Variants in MGAT2 observed in about 807,000 individuals in gnomAD.
MGAT2 encodes Beta-1,2-N-acetylglucosaminyltransferase II.
Under a neutral mutation model 33.8 loss-of-function variants are expected in MGAT2, and 17 were observed. The ratio of observed to expected loss-of-function variants is 0.50; its 90% CI spans 0.34 to 0.76. MGAT2 has a LOEUF of 0.76. Ranked by LOEUF, MGAT2 falls within the 30% of genes least tolerant of loss-of-function variation. MGAT2 has a pLI of 0.01. For synonymous variants in MGAT2, 248 were observed against 226.7 expected (o/e 1.09, Z -0.84); for missense variants, 529 against 553.9 (o/e 0.96, Z 0.45).
In MGAT2 at chr14:49,622,430, C is replaced by T; in HGVS notation, c.1162C>T (p.Pro388Ser). 2 of 1,614,014 alleles carry T rather than the reference C, an allele frequency of 1.2e-6. No homozygotes were observed. Among genetic ancestry groups the T allele is most frequent in the Non-Finnish European group, 1.7e-6 (2 of 1,179,960 alleles). Residue 388 changes from proline (P) to serine (S), a missense_variant, in exon 1 of 1, where the codon CCA (proline) becomes TCA (serine). By Grantham distance (74) the Pro-to-Ser change is moderately conservative. This residue lies in a region of MGAT2 where 501 missense variants were observed against 501.1 expected (regional missense o/e 1.00). Coordinates refer to ENST00000305386, the MANE Select transcript of MGAT2 (RefSeq NM_002408.4). ...CGMHHKKTCR[P>S]STQSAQIESL... ...TATGCATCACAAGAAAACCTGTAGA[C>T]CATCCACTCAGAGTGCCCAAATTGA...
chr14:49,621,202 C>T lies in MGAT2; in HGVS notation c.-67C>T, dbSNP rs1471080027. 1.0e-5 allele frequency: 16 copies of T among 1,604,292 alleles called. No individual in the cohort carries two copies. The highest frequency in any genetic ancestry group is 1.4e-5 in the Non-Finnish European group (16 of 1,176,980). ...CAAGGCGACGGCCGCCGCCCGCCCGCCCCTTCCGTGCAGAAGCAGCTGCTC... is the reference window on the plus strand; with the variant it reads ...CAAGGCGACGGCCGCCGCCCGCCCGTCCCTTCCGTGCAGAAGCAGCTGCTC... On this transcript the variant is annotated 5_prime_UTR_variant, in exon 1 of 1. Coordinates refer to ENST00000305386, the MANE Select transcript of MGAT2 (RefSeq NM_002408.4). The surrounding 1 kb of genome is among the most constrained non-coding windows in gnomAD (Gnocchi z 4.6).
chr14:49,621,459 T>G lies in MGAT2; in HGVS notation c.191T>G (p.Ile64Ser), dbSNP rs1882846338. ...GACCACCCCTCTGTGGCTGTGGGCATCCGCAGGGTCTCCAACGTGTCGGCG... is the reference window on the plus strand; with the variant it reads ...GACCACCCCTCTGTGGCTGTGGGCAGCCGCAGGGTCTCCAACGTGTCGGCG... ...GGDHPSVAVGIRRVSNVSAAS... is the reference protein window; with the variant it reads ...GGDHPSVAVGSRRVSNVSAAS... The change falls in exon 1 of 1, where the codon ATC becomes AGC. Residue 64 changes from isoleucine (I) to serine (S), a missense_variant. Physicochemically the swap from Ile to Ser is moderately radical, Grantham distance 142. This residue lies in a region of MGAT2 where 501 missense variants were observed against 501.1 expected (regional missense o/e 1.00). Transcript: ENST00000305386. The surrounding 1 kb of genome is among the most constrained non-coding windows in gnomAD (Gnocchi z 4.6). The G allele has an allele frequency of 1.6e-5, 25 of 1,606,712 alleles. No individual in the cohort carries two copies. Among genetic ancestry groups the G allele is most frequent in the Non-Finnish European group, 2.1e-5 (25 of 1,175,332 alleles).
rs1882880259 is a variant in MGAT2 at position 49,622,369 on chromosome 14, T to A, written c.1101T>A (p.Pro367=). The A allele has an allele frequency of 6.2e-7, 1 of 1,614,050 alleles. No individual in the cohort carries two copies. Among genetic ancestry groups the A allele is most frequent in the Non-Finnish European group, 8.5e-7 (1 of 1,180,046 alleles). ...CLPKFWKVLV[P]QIPRIFHAGD... ...CAAAATTCTGGAAAGTGCTGGTTCC[T>A]CAAATTCCTAGGATCTTTCATGCTG... Residue 367 remains proline (P), a synonymous_variant, in exon 1 of 1, where the codon CCT becomes CCA. Transcript: ENST00000305386.
Position 49,622,302 on chromosome 14 carries a change from A to G in MGAT2, c.1034A>G (p.Asn345Ser). ...ACTTTCTGTACTTATGATGATTATAACTGGGACTGGACTCTTCAATACTTG... is the reference window on the plus strand; with the variant it reads ...ACTTTCTGTACTTATGATGATTATAGCTGGGACTGGACTCTTCAATACTTG... ...TDTFCTYDDYNWDWTLQYLTV... is the reference protein window; with the variant it reads ...TDTFCTYDDYSWDWTLQYLTV... Residue 345 changes from asparagine (N) to serine (S), a missense_variant, in exon 1 of 1, where the codon AAC (asparagine) becomes AGC (serine). Around this residue, in one of 2 missense-constraint regions of MGAT2, gnomAD observed 501 missense variants for 501.1 expected, o/e 1.00. Transcript: ENST00000305386. 1 of 1,614,178 alleles carries G rather than the reference A, an allele frequency of 6.2e-7. No homozygotes were observed. Among genetic ancestry groups the G allele is most frequent in the South Asian group, 1.1e-5 (1 of 91,080 alleles).
chr14:49,621,472 C>T lies in MGAT2; in HGVS notation c.204C>T (p.Ser68=). ...PSVAVGIRRV[S]NVSAASLVPA... is the part of the protein sequence containing the mutation. ...TGGCTGTGGGCATCCGCAGGGTCTC[C>T]AACGTGTCGGCGGCTTCCCTGGTCC... Residue 68 remains serine (S), a synonymous_variant, in exon 1 of 1, where the codon TCC becomes TCT. Transcript: ENST00000305386. The surrounding 1 kb of genome is among the most constrained non-coding windows in gnomAD (Gnocchi z 4.6). 6.2e-7 allele frequency: 1 copy of T among 1,608,764 alleles called. No homozygotes were observed. Among genetic ancestry groups the T allele is most frequent in the South Asian group, 1.1e-5 (1 of 90,970 alleles).
Position 49,622,172 on chromosome 14 carries a change from G to T in MGAT2, c.904G>T (p.Gly302Cys), listed in dbSNP as rs1210192308. 1 of 1,614,022 alleles carries T rather than the reference G, an allele frequency of 6.2e-7. No individual in the cohort carries two copies. Among genetic ancestry groups the T allele is most frequent in the Non-Finnish European group, 8.5e-7 (1 of 1,180,022 alleles). Residue 302 changes from glycine (G) to cysteine (C), a missense_variant, in exon 1 of 1, where the codon GGC (glycine) becomes TGC (cysteine). By Grantham distance (159) the Gly-to-Cys change is radical (BLOSUM62 -3). Coordinates refer to ENST00000305386, the MANE Select transcript of MGAT2 (RefSeq NM_002408.4). ...CTATAGTGCCAGTCGCAGTTTCTAT[G>T]GCATGGCTGACAAGGTAGATGTGAA... is the stretch of plus-strand genomic sequence containing the variant. Reference protein sequence around the residue: ...GTYSASRSFYGMADKVDVKTW... With the variant: ...GTYSASRSFYCMADKVDVKTW...
At position 49,621,765 on chromosome 14, in the gene MGAT2, G is replaced by C. The variant is rs1166629472; in HGVS notation, c.497G>C (p.Gly166Ala). 6.2e-7 allele frequency: 1 copy of C among 1,613,920 alleles called. No individual in the cohort carries two copies. The highest frequency in any genetic ancestry group is 8.5e-7 in the Non-Finnish European group (1 of 1,180,020). ...WSTEINQLIA[G>A]VNFCPVLQVF... is the part of the protein sequence containing the mutation. ...ACCGAGATCAATCAGCTGATCGCCG[G>C]GGTGAATTTCTGTCCGGTTCTGCAG... The change falls in exon 1 of 1, where the codon GGG becomes GCG. Residue 166 changes from glycine (G) to alanine (A), a missense_variant. Coordinates refer to ENST00000305386, the MANE Select transcript of MGAT2 (RefSeq NM_002408.4). The surrounding 1 kb of genome is among the most constrained non-coding windows in gnomAD (Gnocchi z 4.6).
chr14:49,622,847 A>G lies in MGAT2; in HGVS notation c.*235A>G, dbSNP rs1566505798. On this transcript the variant is annotated 3_prime_UTR_variant, in exon 1 of 1. Transcript: ENST00000305386. ...CTCAATCTGTTATCTGCTAAAATTG[A>G]TTATTGTTGATATGAGAGAAGAGGG... 1 of 357,246 alleles carries G rather than the reference A, an allele frequency of 2.8e-6. No homozygotes were observed. Among genetic ancestry groups the G allele is most frequent in the East Asian group, 4.6e-5 (1 of 21,584 alleles). 22.1% of individuals were successfully genotyped at this position (357,246 alleles called of 1,614,324 possible).
chr14:49,621,871 G>A lies in MGAT2; in HGVS notation c.603G>A (p.Pro201=). The A allele has an allele frequency of 1.2e-6, 2 of 1,614,198 alleles. No individual in the cohort carries two copies. The highest frequency in any genetic ancestry group is 1.7e-6 in the Non-Finnish European group (2 of 1,180,042). Residue 201 remains proline, a synonymous_variant, in exon 1 of 1, where the codon CCG becomes CCA. Coordinates refer to ENST00000305386, the MANE Select transcript of MGAT2 (RefSeq NM_002408.4). The surrounding 1 kb of genome is among the most constrained non-coding windows in gnomAD (Gnocchi z 4.6). ...CTAGAGATTGTCCCAGAGACCTGCC[G>A]AAGAATGCCGCTTTGAAATTGGGGT... is the stretch of plus-strand genomic sequence containing the variant. ...SDPRDCPRDL[P]KNAALKLGCI...
Position 49,621,239 on chromosome 14 carries a change from C to A in MGAT2, c.-30C>A. The stretch of plus-strand genomic sequence containing the variant: ...AGAAGCAGCTGCTCCTTTCCGCGCC[C>A]GCCCGCCTGCGCTCCCGGCCCTGGA... On this transcript the variant is annotated 5_prime_UTR_variant, in exon 1 of 1. Transcript: ENST00000305386. The surrounding 1 kb of genome is among the most constrained non-coding windows in gnomAD (Gnocchi z 4.6). The A allele has an allele frequency of 6.2e-7, 1 of 1,611,344 alleles. No homozygotes were observed. The highest frequency in any genetic ancestry group is 8.5e-7 in the Non-Finnish European group (1 of 1,179,714).
Position 49,623,447 on chromosome 14 carries a change from TGA to T in MGAT2, c.*837_*838del, listed in dbSNP as rs1392603611. 6.0e-6 allele frequency: 1 copy of T among 167,116 alleles called. No homozygotes were observed. The highest frequency in any genetic ancestry group is 1.5e-5 in the Non-Finnish European group (1 of 68,128). The allele number at this position is 167,116 out of a possible 1,614,324, so 10.4% of individuals were successfully genotyped here. A position where few individuals can be genotyped will look rare whatever the true frequency, so the allele number is the denominator to read the frequency against. On this transcript the variant is annotated 3_prime_UTR_variant, in exon 1 of 1. Coordinates refer to ENST00000305386, the MANE Select transcript of MGAT2 (RefSeq NM_002408.4). ...ATTTACTATTGCTACATTGTATAAT[TGA>T]GTTTGAAATAAAACCCAGCTTATGA...
chr14:49,622,146 C>T lies in MGAT2; in HGVS notation c.878C>T (p.Thr293Ile). The change falls in exon 1 of 1, where the codon ACC becomes ATC. Residue 293 changes from threonine (T) to isoleucine (I), a missense_variant. Coordinates refer to ENST00000305386, the MANE Select transcript of MGAT2 (RefSeq NM_002408.4). ...CPECDVLSLG[T>I]YSASRSFYGM... ...GAATGTGATGTTCTCTCCCTGGGGA[C>T]CTATAGTGCCAGTCGCAGTTTCTAT... 4 of 1,614,168 alleles carry T rather than the reference C, an allele frequency of 2.5e-6. No homozygotes were observed. Among genetic ancestry groups the T allele is most frequent in the South Asian group, 2.2e-5 (2 of 91,080 alleles).
Position 49,622,472 on chromosome 14 carries a change from A to G in MGAT2, c.1204A>G (p.Asn402Asp). 1 of 1,611,968 alleles carries G rather than the reference A, an allele frequency of 6.2e-7. No individual in the cohort carries two copies. Among genetic ancestry groups the G allele is most frequent in the Non-Finnish European group, 8.5e-7 (1 of 1,179,006 alleles). Residue 402 changes from asparagine to aspartate, a missense_variant, in exon 1 of 1, where the codon AAC becomes GAC. By Grantham distance (23) the Asn-to-Asp change is conservative (BLOSUM62 1). Transcript: ENST00000305386. The part of the protein sequence containing the change: ...SAQIESLLNN[N>D]KQYMFPETLT... ...CCAAATTGAGTCACTCTTAAATAAT[A>G]ACAAACAATACATGTTTCCAGAAAC...
At position 49,622,669 on chromosome 14, in the gene MGAT2, A is replaced by G. The variant is rs1882889946; in HGVS notation, c.*57A>G. 2 of 1,528,664 alleles carry G rather than the reference A, an allele frequency of 1.3e-6. No individual in the cohort carries two copies. The highest frequency in any genetic ancestry group is 4.5e-5 in the East Asian group (2 of 44,156). 94.7% of individuals were successfully genotyped at this position (1,528,664 alleles called of 1,614,324 possible). On this transcript the variant is annotated 3_prime_UTR_variant, in exon 1 of 1. Transcript: ENST00000305386. ...TTTTTGATATTTGTCCAAACAGGACATACAATTGAATAAAAGAGTTTAGGA... is the reference window on the plus strand; with the variant it reads ...TTTTTGATATTTGTCCAAACAGGACGTACAATTGAATAAAAGAGTTTAGGA...
In MGAT2 at chr14:49,621,928, C is replaced by T. The variant is rs201045777; in HGVS notation, c.660C>T (p.Gly220=). 6.2e-7 allele frequency: 1 copy of T among 1,614,200 alleles called. No individual in the cohort carries two copies. Among genetic ancestry groups the T allele is most frequent in the Admixed American group, 1.7e-5 (1 of 60,010 alleles). The change falls in exon 1 of 1, where the codon GGC becomes GGT. Residue 220 remains glycine, a synonymous_variant. Coordinates refer to ENST00000305386, the MANE Select transcript of MGAT2 (RefSeq NM_002408.4). The surrounding 1 kb of genome is among the most constrained non-coding windows in gnomAD (Gnocchi z 4.6). ...CINAEYPDSF[G]HYREAKFSQT... The stretch of plus-strand genomic sequence containing the variant: ...ATGCTGAGTATCCCGACTCCTTCGG[C>T]CATTATAGAGAGGCCAAATTCTCCC...
In MGAT2 at chr14:49,620,965, C is replaced by A. The variant is rs1838899424; in HGVS notation, c.-304C>A. The A allele has an allele frequency of 1.4e-6, 1 of 702,328 alleles. No individual in the cohort carries two copies. Among genetic ancestry groups the A allele is most frequent in the Non-Finnish European group, 2.6e-6 (1 of 384,938 alleles). 43.5% of individuals were successfully genotyped at this position (702,328 alleles called of 1,614,324 possible). A position where few individuals can be genotyped will look rare whatever the true frequency, so the allele number is the denominator to read the frequency against. ...GGTTGGGACCGCGGCTGAGCTTTTTCCGGGACCCGTGGTGCTGAATGGAGA... is the reference window on the plus strand; with the variant it reads ...GGTTGGGACCGCGGCTGAGCTTTTTACGGGACCCGTGGTGCTGAATGGAGA... On this transcript the variant is annotated 5_prime_UTR_variant, in exon 1 of 1. Coordinates refer to ENST00000305386, the MANE Select transcript of MGAT2 (RefSeq NM_002408.4).
Position 49,621,212 on chromosome 14 carries a change from G to C in MGAT2, c.-57G>C. The C allele has an allele frequency of 3.7e-6, 6 of 1,607,180 alleles. No individual in the cohort carries two copies. Among genetic ancestry groups the C allele is most frequent in the Non-Finnish European group, 4.2e-6 (5 of 1,177,890 alleles). On this transcript the variant is annotated 5_prime_UTR_variant, in exon 1 of 1. Transcript: ENST00000305386. The surrounding 1 kb of genome is among the most constrained non-coding windows in gnomAD (Gnocchi z 4.6). ...GCCGCCGCCCGCCCGCCCCTTCCGT[G>C]CAGAAGCAGCTGCTCCTTTCCGCGC... is the stretch of plus-strand genomic sequence containing the variant.
rs572750439 is a variant in MGAT2 at position 49,622,789 on chromosome 14, T to C, written c.*177T>C. 4.5e-5 allele frequency: 25 copies of C among 561,562 alleles called. No individual in the cohort carries two copies. The South Asian group carries it at 1.0e-3, about 23-fold the overall frequency. The allele number at this position is 561,562 out of a possible 1,614,324, so 34.8% of individuals were successfully genotyped here. ...GTTATGTCTGATTAAGATTTAAAAC[T>C]GAAGGTTTCATTTTGGGAGTAGGGT... On this transcript the variant is annotated 3_prime_UTR_variant, in exon 1 of 1. Transcript: ENST00000305386.
rs146764245 is a variant in MGAT2 at position 49,622,503 on chromosome 14, C to A, written c.1235C>A (p.Thr412Asn). The A allele has an allele frequency of 3.1e-6, 5 of 1,603,318 alleles. No homozygotes were observed. The highest frequency in any genetic ancestry group is 4.3e-6 in the Non-Finnish European group (5 of 1,175,188). ...CAATACATGTTTCCAGAAACTCTAA[C>A]TATCAGTGAAAAGTTTACTGTGGTA... is the stretch of plus-strand genomic sequence containing the variant. ...NKQYMFPETL[T>N]ISEKFTVVAI... Residue 412 changes from threonine to asparagine, a missense_variant, in exon 1 of 1, where the codon ACT becomes AAT. Physicochemically the swap from Thr to Asn is moderately conservative, Grantham distance 65 (BLOSUM62 0). This residue lies in a region of MGAT2 where 28 missense variants were observed against 52.8 expected (regional missense o/e 0.53). Transcript: ENST00000305386.
Sources: gnomAD v4.1 joint callset for allele counts on GRCh38, gnomAD v4.1.1 for gene constraint, gnomAD v4.1.1 regional missense constraint, Gnocchi (gnomAD v3.1) non-coding constraint, MANE v1.5 for transcripts, NCBI Gene and HGNC (gene_info 2026-07-23, HGNC 2026-07-21) for gene names.